CPA6: variants seen among roughly 807,000 people sequenced by gnomAD.
CPA6 encodes carboxypeptidase B.
A neutral mutation model predicts 63.3 loss-of-function variants in CPA6; 58 were observed. That is an observed-to-expected ratio of 0.92 (90% confidence interval 0.74 to 1.14). The LOEUF is 1.14. Ranked by LOEUF, CPA6 falls within the 50% of genes most tolerant of loss-of-function variation. The pLI is 0.00. For synonymous variants in CPA6, 185 were observed against 179.0 expected (o/e 1.03, Z -0.27); for missense variants, 565 against 526.6 (o/e 1.07, Z -0.71).
chr8:67,734,070 T>G, intron 1 of CPA6, among the ~76,000 whole-genome samples: 1 of 150,272 alleles, frequency 6.7e-6, no homozygotes, highest in South Asian at 2.1e-4. Context: ...AAATTCAGGT[T>G]TTTCTCATGT....
chr8:67,699,880 C>T (rs964499013), intron 1 of CPA6, among the ~76,000 whole-genome samples: 1 of 152,140 alleles, frequency 6.6e-6, no homozygotes, highest in African/African-American at 2.4e-5. Context: ...TGAGCCACCA[C>T]GCCCGGCCAT....
intron 1 of CPA6, among the ~76,000 whole-genome samples, chr8:67,703,555 G>T (rs952806729): frequency 6.6e-6 from 1 of 152,174 alleles, no homozygotes; most frequent in African/African-American, 2.4e-5. Context: ...CTTCTTCTTT[G>T]CTTTTACTTT....
chr8:67,524,613 C>CT (rs71554611), intron 2 of CPA6, among the ~76,000 whole-genome samples: 6,693 of 149,794 alleles, frequency 0.045, 467 homozygotes, highest in African/African-American at 0.15. Flanking sequence ...TTTGAAAAAA[C>CT]TTTTTTTGTT....
chr8:67,444,357 G>A (rs1210313923), intron 8 of CPA6, among the ~76,000 whole-genome samples: 1 of 152,160 alleles, frequency 6.6e-6, no homozygotes, highest in African/African-American at 2.4e-5. Context: ...AGAAAAGGAA[G>A]ATGTCTATTT....
intron 6 of CPA6, among the ~76,000 whole-genome samples, chr8:67,490,147 A>C (rs1271011240): frequency 6.6e-6 from 1 of 152,190 alleles, no homozygotes; most frequent in African/African-American, 2.4e-5. Context: ...GAGTGCCTTA[A>C]ATAATAGGAC....
intron 1 of CPA6, among the ~76,000 whole-genome samples, chr8:67,685,015 C>A (rs73683167): frequency 0.011 from 1,711 of 152,180 alleles, 40 homozygotes; most frequent in African/African-American, 0.037. Context: ...AGAGTTGAGC[C>A]CAATCTCTCT....
chr8:67,480,143 CT>C (rs938211960), intron 8 of CPA6, among the ~76,000 whole-genome samples: 1 of 152,048 alleles, frequency 6.6e-6, no homozygotes, highest in African/African-American at 2.4e-5. Context: ...CAATAAGTGC[CT>C]AACTTGCTCC....
At chr8:67,730,784 T>C (rs907431452) in intron 1 of CPA6, among the ~76,000 whole-genome samples, 1 of 152,224 alleles carries the variant, frequency 6.6e-6, no homozygotes, top group Non-Finnish European at 1.5e-5. Context: ...TATCTTTAGA[T>C]TGAGTGAAAT....
At chr8:67,639,503 C>T (rs1320755053) in intron 1 of CPA6, among the ~76,000 whole-genome samples, 1 of 151,616 alleles carries the variant, frequency 6.6e-6, no homozygotes, top group East Asian at 1.9e-4. Flanking sequence ...CAGCTCCCTA[C>T]AAGGCTGTGG....
intron 2 of CPA6, among the ~76,000 whole-genome samples, chr8:67,572,080 G>C (rs929190118): frequency 1.3e-5 from 2 of 152,078 alleles, no homozygotes; most frequent in African/African-American, 4.8e-5. Context: ...AAACTTAGAG[G>C]AAACAGATAA....
chr8:67,516,579 G>C (rs926627493), intron 3 of CPA6, among the ~76,000 whole-genome samples: 1 of 152,188 alleles, frequency 6.6e-6, no homozygotes, highest in African/African-American at 2.4e-5. Flanking sequence ...CTGCTGCTGT[G>C]TGTTCTCACC....
At chr8:67,673,504 C>T (rs1411852303) in intron 1 of CPA6, among the ~76,000 whole-genome samples, 2 of 150,878 alleles carry the variant, frequency 1.3e-5, no homozygotes, top group African/African-American at 2.4e-5. Context: ...CTGCCTCAGC[C>T]TCCTGAGTAG....
intron 2 of CPA6, among the ~76,000 whole-genome samples, chr8:67,520,109 A>G (rs573764566): frequency 6.6e-6 from 1 of 152,240 alleles, no homozygotes; most frequent in East Asian, 1.9e-4. Context: ...ATTTTTTTAT[A>G]TTAAGGATAA....
intron 7 of CPA6, among the ~76,000 whole-genome samples, chr8:67,484,141 C>G (rs899669274): frequency 6.6e-6 from 1 of 151,916 alleles, no homozygotes; most frequent in African/African-American, 2.4e-5. Flanking sequence ...ACGATCTCGG[C>G]TCACTGCAAG....
intron 1 of CPA6, among the ~76,000 whole-genome samples, chr8:67,638,406 A>G (rs1459980438): frequency 6.6e-6 from 1 of 151,460 alleles, no homozygotes; most frequent in Non-Finnish European, 1.5e-5. Context: ...TCAACCTAAT[A>G]AACCTAGTAA....
chr8:67,493,320 G>A (rs1312230129), intron 6 of CPA6, among the ~76,000 whole-genome samples: 1 of 152,116 alleles, frequency 6.6e-6, no homozygotes, highest in Non-Finnish European at 1.5e-5. Context: ...AAGACATAAT[G>A]AGACTGAAAG....
rs147564967 is a variant in CPA6 at position 67,456,388 on chromosome 8, C to T, written c.839-22148G>A. ...CCAAACCAGAAATCATCTACTGAGT[C>T]CAACAATTTGCAAAGAGCAGTTGGT... On this transcript the variant is annotated intron_variant, in intron 8 of 10. Coordinates refer to ENST00000297770, the MANE Select transcript of CPA6 (RefSeq NM_020361.5). 9.0e-4 allele frequency among the ~76,000 whole-genome samples: 137 copies of T among 152,272 alleles called. 1 individual carries two copies. Among genetic ancestry groups the T allele is most frequent in the African/African-American group, 2.6e-3 (109 of 41,554 alleles).
At chr8:67,576,866 CT>C (rs34550495) in intron 2 of CPA6, among the ~76,000 whole-genome samples, 261 of 141,982 alleles carry the variant, frequency 1.8e-3, no homozygotes, top group Middle Eastern at 3.7e-3. Context: ...GTCTTAGAAA[CT>C]TTTTTTTTTT....
rs879881793 is a variant in CPA6, at chr8:67,628,212, T to TA, written c.117-3962dup. Among the ~76,000 whole-genome samples, 630 of 143,802 alleles carry TA rather than the reference T, an allele frequency of 4.4e-3. 5 individuals carry two copies. The highest frequency in any genetic ancestry group is 0.014 in the African/African-American group (558 of 39,386). 94.3% of individuals were successfully genotyped at this position (143,802 alleles called of 152,430 possible). A position where few individuals can be genotyped will look rare whatever the true frequency, so the allele number is the denominator to read the frequency against. On this transcript the variant is annotated intron_variant, in intron 1 of 10. Transcript: ENST00000297770. ...TGGGTGACAGAGCGAGACTCCATCT[T>TA]AAAAAAAAAAAAAGTTCTAAGACTG...
Sources: allele counts gnomAD v4.1 joint callset (sites outside exome capture counted in the v4.1 genomes callset), GRCh38; gene constraint gnomAD v4.1.1; transcripts MANE v1.5; gene names NCBI Gene and HGNC (gene_info 2026-07-23, HGNC 2026-07-21).